ATP6V0E2: variants seen among roughly 807,000 people sequenced by gnomAD.
The protein encoded by ATP6V0E2 is ATPase H+ transporting V0 subunit e2.
Under a neutral mutation model 11.5 loss-of-function variants are expected in ATP6V0E2, and 4 were observed. The observed-to-expected ratio is 0.35, with a 90% CI of 0.17 to 0.80. ATP6V0E2 has a LOEUF of 0.80. ATP6V0E2 is among the 30% of genes least tolerant of loss of function. The pLI is 0.53. For missense variants in ATP6V0E2, 93 were observed against 113.5 expected (o/e 0.82, Z 0.82); for synonymous variants, 52 against 51.0 (o/e 1.02, Z -0.09).
In ATP6V0E2 at chr7:149,880,178, G is replaced by C. The variant is rs1049619957; in HGVS notation, c.*863G>C. The C allele has an allele frequency of 6.5e-6, 1 of 152,954 alleles. No individual in the cohort carries two copies. Among genetic ancestry groups the C allele is most frequent in the Non-Finnish European group, 1.5e-5 (1 of 68,622 alleles). 9.5% of individuals were successfully genotyped at this position (152,954 alleles called of 1,614,324 possible). On this transcript the variant is annotated 3_prime_UTR_variant, in exon 4 of 4. Coordinates refer to ENST00000425642, the MANE Select transcript of ATP6V0E2 (RefSeq NM_145230.4). ...GGCAATGTGAGTGGCGCTATGGGAC[G>C]GGCCAGCCCTGCTCCTGAGCCAGCC...
In ATP6V0E2 at chr7:149,874,034, C is replaced by T. The variant is rs1400776035; in HGVS notation, c.-32C>T. 2 of 1,549,464 alleles carry T rather than the reference C, an allele frequency of 1.3e-6. No individual in the cohort carries two copies. Among genetic ancestry groups the T allele is most frequent in the Non-Finnish European group, 1.7e-6 (2 of 1,146,584 alleles). On this transcript the variant is annotated 5_prime_UTR_variant, in exon 1 of 4. Coordinates refer to ENST00000425642, the MANE Select transcript of ATP6V0E2 (RefSeq NM_145230.4). ...CACCTGCAGCGCCCGCTGCTCGGCC[C>T]TGCATCCTGCCTGGGCATCCTGCGC...
In ATP6V0E2 at chr7:149,874,163, A is replaced by G; in HGVS notation, c.98A>G (p.Asn33Ser). 1 of 1,548,584 alleles carries G rather than the reference A, an allele frequency of 6.5e-7. No homozygotes were observed. Among genetic ancestry groups the G allele is most frequent in the African/African-American group, 1.4e-5 (1 of 73,018 alleles). Residue 33 changes from asparagine to serine, a missense_variant, in exon 1 of 4, where the codon AAC (asparagine) becomes AGC (serine). Physicochemically the swap from Asn to Ser is conservative, Grantham distance 46. Transcript: ENST00000425642. ...CCCTGGTTCGTGCCGAAGGGACCCA[A>G]CCGCGGGTAAGGAAAGCGCGCAGGC... ...AGPWFVPKGP[N>S]RGVIITMLVA...
In ATP6V0E2 at chr7:149,874,305, C is replaced by T. The variant is rs1586091392; in HGVS notation, c.104+136C>T. On this transcript the variant is annotated intron_variant, in intron 1 of 3. Transcript: ENST00000425642. ...GGGACGCCAGGACCCCGGACGCCAC[C>T]TCTGAGGTCTCTCTGCACCTGGGTC... is the stretch of plus-strand genomic sequence containing the variant. 1.0e-5 allele frequency: 12 copies of T among 1,162,286 alleles called. No individual in the cohort carries two copies. The East Asian group carries it at 2.6e-4, about 25-fold the overall frequency. 72.0% of individuals were successfully genotyped at this position (1,162,286 alleles called of 1,614,324 possible).
At chr7:149,873,778 G>T (rs778594422), upstream of ATP6V0E2, 2 of 1,188,738 alleles carry the variant, frequency 1.7e-6, no homozygotes, top group East Asian at 5.6e-5. Context: ...GGCTGACGCG[G>T]ACCCTATAAC....
chr7:149,874,132 G>T lies in ATP6V0E2; in HGVS notation c.67G>T (p.Ala23Ser). Residue 23 changes from alanine to serine, a missense_variant, in exon 1 of 4, where the codon GCC (alanine) becomes TCC (serine). By Grantham distance (99) the Ala-to-Ser change is moderately conservative (BLOSUM62 1). Transcript: ENST00000425642. ...CACGTTCTGGGGCCTCGTCGGCATC[G>T]CCGGGCCCTGGTTCGTGCCGAAGGG... ...FTTFWGLVGI[A>S]GPWFVPKGPN... 2 of 1,549,806 alleles carry T rather than the reference G, an allele frequency of 1.3e-6. No individual in the cohort carries two copies. The highest frequency in any genetic ancestry group is 2.4e-5 in the East Asian group (1 of 40,872).
intron 2 of ATP6V0E2, 129 bp from the exon 3 acceptor site, chr7:149,878,549 T>G (rs6967083): frequency 0.63 from 454,094 of 723,012 alleles, 144,851 homozygotes; most frequent in African/African-American, 0.82. Flanking sequence ...TGGGCCCTTC[T>G]TCACCCTGGG....
At chr7:149,875,521 C>G in intron 1 of ATP6V0E2, 77 bp from the exon 2 acceptor site, 8 of 1,469,750 alleles carry the variant, frequency 5.4e-6, no homozygotes, top group Non-Finnish European at 7.6e-6. Context: ...ACCAGGAGCT[C>G]TTCTTGCTCT....
At chr7:149,878,817 G>C in intron 3 of ATP6V0E2, 27 bp downstream of exon 3, 2 of 1,599,372 alleles carry the variant, frequency 1.3e-6, no homozygotes, top group Non-Finnish European at 1.7e-6. Context: ...GGGTGTGGGT[G>C]GGGAAGAGGG....
rs1348379062 is a variant in ATP6V0E2 at position 149,880,690 on chromosome 7, A to AAAAG, written c.*1377_*1380dup. 1 of 152,322 alleles carries AAAAG rather than the reference A, an allele frequency of 6.6e-6. No homozygotes were observed. Among genetic ancestry groups the AAAAG allele is most frequent in the Non-Finnish European group, 1.5e-5 (1 of 68,102 alleles). The allele number at this position is 152,322 out of a possible 1,614,324, so 9.4% of individuals were successfully genotyped here. A position where few individuals can be genotyped will look rare whatever the true frequency, so the allele number is the denominator to read the frequency against. ...TCATATATAATAAATAATGGTGATG[A>AAAAG]AAAGATTACTGTTTGGTGACAAAGC... On this transcript the variant is annotated 3_prime_UTR_variant, in exon 4 of 4. Coordinates refer to ENST00000425642, the MANE Select transcript of ATP6V0E2 (RefSeq NM_145230.4).
chr7:149,877,411 G>A (rs1392735757), intron 2 of ATP6V0E2, among the ~76,000 whole-genome samples: 1 of 152,062 alleles, frequency 6.6e-6, no homozygotes, highest in East Asian at 1.9e-4. Context: ...TGAACTCCTT[G>A]GCTTAAGTGA....
At position 149,874,118 on chromosome 7, in the gene ATP6V0E2, G is replaced by C; in HGVS notation, c.53G>C (p.Gly18Ala). Reference protein sequence around the residue: ...LPVIIFTTFWGLVGIAGPWFV... With the variant: ...LPVIIFTTFWALVGIAGPWFV... ...GTCATCATCTTCACCACGTTCTGGGGCCTCGTCGGCATCGCCGGGCCCTGG... is the reference window on the plus strand; with the variant it reads ...GTCATCATCTTCACCACGTTCTGGGCCCTCGTCGGCATCGCCGGGCCCTGG... The change falls in exon 1 of 4, where the codon GGC becomes GCC. Residue 18 changes from glycine (G) to alanine (A), a missense_variant. Gly to Ala is a moderately conservative substitution (Grantham distance 60). Coordinates refer to ENST00000425642, the MANE Select transcript of ATP6V0E2 (RefSeq NM_145230.4). The C allele has an allele frequency of 6.5e-7, 1 of 1,549,940 alleles. No individual in the cohort carries two copies. The highest frequency in any genetic ancestry group is 1.2e-5 in the South Asian group (1 of 84,056).
chr7:149,873,043 AGAG>A (rs1802919786), upstream of ATP6V0E2: 1 of 152,240 alleles, frequency 6.6e-6, no homozygotes, highest in African/African-American at 2.4e-5. Flanking sequence ...TTTGATCGCC[AGAG>A]AAGAAGGGAT....
chr7:149,878,404 C>T (rs1016185509), intron 2 of ATP6V0E2, among the ~76,000 whole-genome samples: 1 of 152,160 alleles, frequency 6.6e-6, no homozygotes, highest in South Asian at 2.1e-4. Context: ...CTGAGGCTGC[C>T]TCCCCTCTTC....
intron 2 of ATP6V0E2, among the ~76,000 whole-genome samples, chr7:149,877,348 GATTTTTAA>G (rs2128948710): frequency 6.6e-6 from 1 of 152,214 alleles, no homozygotes; most frequent in East Asian, 1.9e-4. Context: ...ATGCCTGGCT[GATTTTTAA>G]ATTTTCTGTA....
At chr7:149,875,459 T>C in intron 1 of ATP6V0E2, 139 bp from the exon 2 acceptor site, 1 of 826,018 alleles carries the variant, frequency 1.2e-6, no homozygotes, top group Admixed American at 1.9e-5. Context: ...TGAGTAGAAC[T>C]CAGCCTCCTG....
At chr7:149,875,577 C>G (rs1370611492) in intron 1 of ATP6V0E2, 21 bp from the exon 2 acceptor site, 1 of 1,613,614 alleles carries the variant, frequency 6.2e-7, no homozygotes, top group South Asian at 1.1e-5. Context: ...TTGTTCTGAC[C>G]CGTGTCCTCT....
At chr7:149,873,696 TG>T, upstream of ATP6V0E2, 1 of 547,880 alleles carries the variant, frequency 1.8e-6, no homozygotes, top group Non-Finnish European at 2.9e-6. Context: ...GAAAGACCGC[TG>T]GGGTGGGACC....
upstream of ATP6V0E2, chr7:149,873,754 C>G: frequency 1.1e-6 from 1 of 907,514 alleles, no homozygotes; most frequent in Non-Finnish European, 1.6e-6. Context: ...GTGACGTTGG[C>G]TGTGCGGGCG....
At position 149,880,052 on chromosome 7, in the gene ATP6V0E2, G is replaced by C. The variant is rs1011518220; in HGVS notation, c.*737G>C. The C allele has an allele frequency of 3.5e-5, 6 of 173,496 alleles. No homozygotes were observed. Among genetic ancestry groups the C allele is most frequent in the Non-Finnish European group, 4.8e-5 (4 of 82,738 alleles). 10.7% of individuals were successfully genotyped at this position (173,496 alleles called of 1,614,324 possible). Reference sequence around the variant, plus strand: ...AGCCTGTCAGTCCGAGCACAGTGCAGGTTTGGCTCTGACTTGGGCTTTTGG... The same window carrying C: ...AGCCTGTCAGTCCGAGCACAGTGCACGTTTGGCTCTGACTTGGGCTTTTGG... On this transcript the variant is annotated 3_prime_UTR_variant, in exon 4 of 4. Coordinates refer to ENST00000425642, the MANE Select transcript of ATP6V0E2 (RefSeq NM_145230.4).
Sources: gnomAD v4.1 joint callset for allele counts (sites outside exome capture counted in the v4.1 genomes callset) on GRCh38, gnomAD v4.1.1 for gene constraint, MANE v1.5 for transcripts, NCBI Gene and HGNC (gene_info 2026-07-23, HGNC 2026-07-21) for gene names.